Variants in CX3CR1 observed in about 807,000 individuals in gnomAD.
CX3CR1 encodes CX3C chemokine receptor 1.
For synonymous variants in CX3CR1, 168 were observed against 178.5 expected, an observed-to-expected ratio of 0.94 and a Z score of 0.47; for missense variants, 363 against 432.4, an observed-to-expected ratio of 0.84 and a Z score of 1.42.
the CX3CR1 span, among the ~76,000 whole-genome samples, chr3:39,289,338 G>T: frequency 6.6e-6 from 1 of 152,178 alleles, no homozygotes; most frequent in East Asian, 1.9e-4. Context: ...CACCTGGGCA[G>T]GATGTGCCAG....
chr3:39,281,545 G>T, upstream of CX3CR1: 2 of 1,385,940 alleles, frequency 1.4e-6, no homozygotes, highest in Non-Finnish European at 1.0e-6. Context: ...TCCATCCAGG[G>T]CCTGGATAAT....
At chr3:39,273,608 G>A (rs2040804782) in intron 1 of CX3CR1, among the ~76,000 whole-genome samples, 1 of 152,156 alleles carries the variant, frequency 6.6e-6, no homozygotes, top group Non-Finnish European at 1.5e-5. Flanking sequence ...GCTAGCTCTG[G>A]CATGCTCAAT....
chr3:39,270,156 T>C (rs895221777), intron 1 of CX3CR1, among the ~76,000 whole-genome samples: 3 of 152,044 alleles, frequency 2.0e-5, no homozygotes, highest in African/African-American at 7.2e-5. Flanking sequence ...GGGAGAAGAG[T>C]CAAGGACTCG....
At chr3:39,267,202 G>A (rs2040711872) in intron 1 of CX3CR1, among the ~76,000 whole-genome samples, 1 of 152,110 alleles carries the variant, frequency 6.6e-6, no homozygotes, top group Non-Finnish European at 1.5e-5. Context: ...ATGAGCAGGA[G>A]GGGGAGGGGG....
At chr3:39,290,103 T>C in the CX3CR1 span, among the ~76,000 whole-genome samples, 84 of 152,346 alleles carry the variant, frequency 5.5e-4, no homozygotes, top group African/African-American at 1.9e-3. Context: ...TTTAGCTTAC[T>C]GCGGCAAGGG....
intron 1 of CX3CR1, among the ~76,000 whole-genome samples, chr3:39,272,610 T>C (rs1190819576): frequency 6.6e-6 from 1 of 152,202 alleles, no homozygotes; most frequent in Non-Finnish European, 1.5e-5. Flanking sequence ...CAGCTTACTG[T>C]TTTCTAAATC....
At chr3:39,271,747 C>G (rs1483341781) in intron 1 of CX3CR1, among the ~76,000 whole-genome samples, 1 of 152,228 alleles carries the variant, frequency 6.6e-6, no homozygotes, top group Non-Finnish European at 1.5e-5. Context: ...GCACCATTTA[C>G]ATAAAAAATC....
upstream of CX3CR1, chr3:39,281,855 C>T (rs2040904424): frequency 3.3e-6 from 2 of 609,620 alleles, no homozygotes. Context: ...ATTTTACCCT[C>T]TTTTAAAGCT....
chr3:39,266,579 T>C, intron 1 of CX3CR1, 61 bp from the exon 2 acceptor site: 1 of 1,546,948 alleles, frequency 6.5e-7, no homozygotes, highest in Non-Finnish European at 8.9e-7. Context: ...GTTGGAATTC[T>C]GTGTGGCCTC....
At chr3:39,268,553 G>A (rs1372051822) in intron 1 of CX3CR1, among the ~76,000 whole-genome samples, 1 of 152,170 alleles carries the variant, frequency 6.6e-6, no homozygotes, top group African/African-American at 2.4e-5. Context: ...CCTGGAGCTA[G>A]CTACTTTCTC....
chr3:39,285,212 GAA>G (rs4016656), upstream of CX3CR1, among the ~76,000 whole-genome samples: 32,294 of 115,598 alleles, frequency 0.28, 4,792 homozygotes, highest in East Asian at 0.65. Context: ...CATTGGTACA[GAA>G]AAAAAAAAAA....
intron 1 of CX3CR1, among the ~76,000 whole-genome samples, chr3:39,277,080 C>T (rs565543128): frequency 2.0e-5 from 3 of 152,272 alleles, no homozygotes; most frequent in Non-Finnish European, 4.4e-5. Flanking sequence ...AGAGACTTTC[C>T]ATTTTCTCCT....
At chr3:39,275,543 A>G (rs1449403508) in intron 1 of CX3CR1, among the ~76,000 whole-genome samples, 1 of 152,252 alleles carries the variant, frequency 6.6e-6, no homozygotes, top group Non-Finnish European at 1.5e-5. Flanking sequence ...GTTTGCCTTG[A>G]TAACATGTAT....
the CX3CR1 span, among the ~76,000 whole-genome samples, chr3:39,292,076 C>T: frequency 3.3e-5 from 5 of 152,224 alleles, no homozygotes; most frequent in East Asian, 1.9e-4. Context: ...TGGGCTGAGA[C>T]GGGTGTGGGC....
At chr3:39,290,044 T>G in the CX3CR1 span, among the ~76,000 whole-genome samples, 2 of 152,240 alleles carry the variant, frequency 1.3e-5, no homozygotes, top group African/African-American at 2.4e-5. Flanking sequence ...TCTCATAGTT[T>G]GTGGGCTGAA....
At chr3:39,283,059 T>C (rs1394787233), upstream of CX3CR1, among the ~76,000 whole-genome samples, 1 of 152,116 alleles carries the variant, frequency 6.6e-6, no homozygotes, top group African/African-American at 2.4e-5. Flanking sequence ...ACCCAGCTAA[T>C]TTTTGTATTT....
At chr3:39,267,460 CT>C (rs2040718422) in intron 1 of CX3CR1, among the ~76,000 whole-genome samples, 1 of 152,148 alleles carries the variant, frequency 6.6e-6, no homozygotes, top group African/African-American at 2.4e-5. Context: ...TCAACAAGTC[CT>C]TCTCTTTCTT....
At chr3:39,289,223 C>G in the CX3CR1 span, among the ~76,000 whole-genome samples, 1 of 151,732 alleles carries the variant, frequency 6.6e-6, no homozygotes, top group South Asian at 2.1e-4. Flanking sequence ...ATGTGTAAAG[C>G]ACTTCATATG....
intron 1 of CX3CR1, chr3:39,266,725 C>T (rs754284103): frequency 6.1e-5 from 46 of 754,582 alleles, no homozygotes; most frequent in Non-Finnish European, 9.7e-5. Flanking sequence ...ACAGGAGAGG[C>T]GGACTCCTTT....
Sources: gnomAD v4.1 joint callset for allele counts (sites outside exome capture counted in the v4.1 genomes callset) on GRCh38, gnomAD v4.1.1 for gene constraint, MANE v1.5 for transcripts, NCBI Gene and HGNC (gene_info 2026-07-23, HGNC 2026-07-21) for gene names.